CALN1: variants seen among roughly 807,000 people sequenced by gnomAD.
CALN1 encodes the protein calcium-binding protein 8.
Under a neutral mutation model 30.6 loss-of-function variants are expected in CALN1, and 17 were observed. That is an observed-to-expected ratio of 0.56 (90% CI 0.38 to 0.83). CALN1 has a LOEUF of 0.83. Ranked by LOEUF, CALN1 falls within the 40% of genes least tolerant of loss-of-function variation. CALN1 has a pLI of 0.00. For synonymous variants in CALN1, 156 were observed against 131.4 expected, an observed-to-expected ratio of 1.19 and a Z score of -1.28; for missense variants, 291 against 354.9, an observed-to-expected ratio of 0.82 and a Z score of 1.45.
chr7:72,453,521 T>C, the CALN1 span, among the ~76,000 whole-genome samples: 27,641 of 152,176 alleles, frequency 0.18, 2,721 homozygotes, highest in African/African-American at 0.21. Flanking sequence ...ATGCTTTAGG[T>C]GCCTCTTCCC....
intron 3 of CALN1, among the ~76,000 whole-genome samples, chr7:72,270,605 C>A (rs371334809): frequency 7.9e-5 from 12 of 151,872 alleles, no homozygotes; most frequent in African/African-American, 2.9e-4. Flanking sequence ...CACCCCATCT[C>A]TAAAAAAAAT....
chr7:72,240,749 T>G (rs191159330), intron 3 of CALN1, among the ~76,000 whole-genome samples: 9 of 152,296 alleles, frequency 5.9e-5, no homozygotes, highest in Admixed American at 1.3e-4. Context: ...TCACTGAGTG[T>G]GGGCAGTGTT....
intron 5 of CALN1, among the ~76,000 whole-genome samples, chr7:72,013,216 T>C (rs1031471644): frequency 1.3e-5 from 2 of 151,768 alleles, no homozygotes; most frequent in South Asian, 2.1e-4. Context: ...CTGAAAACAA[T>C]TGTTGGATAA....
intron 2 of CALN1, among the ~76,000 whole-genome samples, chr7:72,393,801 G>A (rs1032510980): frequency 6.9e-6 from 1 of 145,104 alleles, no homozygotes; most frequent in Non-Finnish European, 1.5e-5. Flanking sequence ...CCAGGCTGCT[G>A]CACAGTGGCA....
chr7:72,168,855 G>C (rs1788730805), intron 3 of CALN1, among the ~76,000 whole-genome samples: 1 of 147,984 alleles, frequency 6.8e-6, no homozygotes, highest in Non-Finnish European at 1.5e-5. Context: ...AACCAGGCTG[G>C]AGTGCAGTGA....
intron 1 of CALN1, among the ~76,000 whole-genome samples, chr7:72,406,680 G>C (rs1438973124): frequency 6.7e-6 from 1 of 148,956 alleles, no homozygotes; most frequent in Non-Finnish European, 1.5e-5. Flanking sequence ...GCAGTAGCGT[G>C]ATCCCTGCTC....
intron 3 of CALN1, among the ~76,000 whole-genome samples, chr7:72,178,555 G>A (rs1031024484): frequency 6.6e-6 from 1 of 152,064 alleles, no homozygotes; most frequent in African/African-American, 2.4e-5. Flanking sequence ...CAGGCGTGGT[G>A]GCACGCACCT....
intron 1 of CALN1, 118 bp downstream of exon 1, chr7:72,411,940 C>A: frequency 6.6e-6 from 1 of 152,108 alleles, no homozygotes; most frequent in East Asian, 1.9e-4. Flanking sequence ...GATTAAAACA[C>A]CACCATAATC....
intron 2 of CALN1, among the ~76,000 whole-genome samples, chr7:72,400,383 C>T (rs956934188): frequency 6.6e-6 from 1 of 152,186 alleles, no homozygotes; most frequent in African/African-American, 2.4e-5. Flanking sequence ...GAATCATCTT[C>T]ATATGGACAG....
chr7:71,802,469 G>A (rs777660078), intron 6 of CALN1, among the ~76,000 whole-genome samples: 23 of 152,214 alleles, frequency 1.5e-4, no homozygotes, highest in Non-Finnish European at 1.9e-4. Flanking sequence ...GGCTTGGTAA[G>A]TTTTTTATTC....
At chr7:72,377,276 T>G (rs1023065017) in intron 2 of CALN1, among the ~76,000 whole-genome samples, 1 of 152,176 alleles carries the variant, frequency 6.6e-6, no homozygotes, top group African/African-American at 2.4e-5. Context: ...TGGGGACTCT[T>G]GTCTTTAGCT....
intron 5 of CALN1, among the ~76,000 whole-genome samples, chr7:71,917,041 T>C (rs917788631): frequency 6.6e-6 from 1 of 152,154 alleles, no homozygotes; most frequent in Non-Finnish European, 1.5e-5. Context: ...ATATTTCCTC[T>C]AAAGATAATG....
intron 2 of CALN1, among the ~76,000 whole-genome samples, chr7:72,292,885 G>A (rs893529591): frequency 2.0e-5 from 3 of 151,000 alleles, no homozygotes; most frequent in Admixed American, 6.6e-5. Context: ...ATGAATTACA[G>A]GGGGCTGGGA....
At chr7:72,315,599 G>C (rs1800386470) in intron 2 of CALN1, among the ~76,000 whole-genome samples, 1 of 151,920 alleles carries the variant, frequency 6.6e-6, no homozygotes, top group Non-Finnish European at 1.5e-5. Flanking sequence ...CAGCTACTCG[G>C]GAGGCTGAGA....
intron 5 of CALN1, among the ~76,000 whole-genome samples, chr7:72,007,913 T>C (rs1034179569): frequency 1.3e-5 from 2 of 151,890 alleles, no homozygotes; most frequent in African/African-American, 4.8e-5. Flanking sequence ...AATGAATCAA[T>C]CAAATAATGG....
chr7:72,068,188 C>T (rs1220934673), intron 4 of CALN1, among the ~76,000 whole-genome samples: 1 of 152,172 alleles, frequency 6.6e-6, no homozygotes, highest in Non-Finnish European at 1.5e-5. Context: ...AATGCAAGCA[C>T]CTCCACCAGC....
At chr7:72,410,748 A>T (rs955058293) in intron 1 of CALN1, among the ~76,000 whole-genome samples, 1 of 152,222 alleles carries the variant, frequency 6.6e-6, no homozygotes, top group African/African-American at 2.4e-5. Flanking sequence ...GGAACTATAT[A>T]TATTTCCTGA....
chr7:72,277,855 T>G (rs562558051), intron 3 of CALN1, among the ~76,000 whole-genome samples: 1 of 152,204 alleles, frequency 6.6e-6, no homozygotes, highest in Non-Finnish European at 1.5e-5. Context: ...CTTCTCTACT[T>G]GAGAAAGTAA....
intron 3 of CALN1, among the ~76,000 whole-genome samples, chr7:72,165,372 C>A (rs1245737929): frequency 6.6e-6 from 1 of 152,024 alleles, no homozygotes; most frequent in African/African-American, 2.4e-5. Flanking sequence ...CCAGCCTGGC[C>A]AACAGGGTGA....
Sources: allele counts gnomAD v4.1 joint callset (sites outside exome capture counted in the v4.1 genomes callset), GRCh38; gene constraint gnomAD v4.1.1; transcripts MANE v1.5; gene names NCBI Gene and HGNC (gene_info 2026-07-23, HGNC 2026-07-21).